The following VMA22 variants were observed in gnomAD, a reference collection of about 807,000 sequenced individuals.
VMA22 encodes the protein vacuolar ATPase assembly protein VMA22.
At chr2:130,341,037 G>C in the VMA22 span, 4 of 1,602,760 alleles carry the variant, frequency 2.5e-6, no homozygotes, top group South Asian at 3.3e-5. Flanking sequence ...CGCCTCCGCA[G>C]ACCTGAGGAA....
the VMA22 span, chr2:130,342,121 G>A: frequency 6.2e-7 from 1 of 1,613,482 alleles, no homozygotes; most frequent in Non-Finnish European, 8.5e-7. Flanking sequence ...GTCAAGCGCC[G>A]CCATGGACAC....
At chr2:130,341,839 A>G in the VMA22 span, 2 of 1,431,934 alleles carry the variant, frequency 1.4e-6, no homozygotes, top group East Asian at 2.7e-5. Flanking sequence ...AAGCTTCCTC[A>G]CCTGGCGTGG....
the VMA22 span, chr2:130,341,801 G>GGGCCCCCCCCCCCC: frequency 8.7e-6 from 12 of 1,378,088 alleles, no homozygotes; most frequent in African/African-American, 1.5e-5. Flanking sequence ...CCTAGAACGC[G>GGGCCCCCCCCCCCC]CCCGCCCGCC....
At chr2:130,341,019 G>C in the VMA22 span, 1 of 1,611,372 alleles carries the variant, frequency 6.2e-7, no homozygotes, top group Non-Finnish European at 8.5e-7. Flanking sequence ...GTCTTAGTGG[G>C]GCCCTTGCGC....
At chr2:130,339,815 C>G in the VMA22 span, 6 of 1,293,564 alleles carry the variant, frequency 4.6e-6, no homozygotes, top group Non-Finnish European at 6.1e-6. Context: ...CCCCTCTTCT[C>G]CCTCACCTCC....
chr2:130,341,121 AG>A, the VMA22 span: 1 of 1,437,654 alleles, frequency 7.0e-7, no homozygotes, highest in African/African-American at 1.4e-5. Context: ...GCTTGATCTG[AG>A]CTCATGATTC....
At chr2:130,342,490 A>G in the VMA22 span, 37 of 502,548 alleles carry the variant, frequency 7.4e-5, no homozygotes, top group Non-Finnish European at 1.1e-4. Context: ...TTGAGGGAAG[A>G]GTGGTTTTAA....
the VMA22 span, chr2:130,341,507 C>G: frequency 1.6e-6 from 1 of 614,324 alleles, no homozygotes; most frequent in Non-Finnish European, 2.9e-6. Flanking sequence ...TTCTCTACTT[C>G]CTATAAAAGT....
chr2:130,340,085 G>C, the VMA22 span: 1 of 190,254 alleles, frequency 5.3e-6, no homozygotes, highest in East Asian at 1.4e-4. Context: ...AGCAGGTGAG[G>C]GTCGCTCCAT....
the VMA22 span, chr2:130,340,701 T>A: frequency 1.6e-6 from 1 of 607,804 alleles, no homozygotes; most frequent in Non-Finnish European, 2.9e-6. Context: ...TTCCCTGCTG[T>A]ATCCCCAGCA....
At chr2:130,342,370 C>T in the VMA22 span, 10 of 677,646 alleles carry the variant, frequency 1.5e-5, no homozygotes, top group Non-Finnish European at 2.5e-5. Context: ...GCTGAACTGT[C>T]GGCTAGGGTT....
At chr2:130,339,706 C>T in the VMA22 span, 1 of 1,304,312 alleles carries the variant, frequency 7.7e-7, no homozygotes, top group Non-Finnish European at 1.0e-6. Context: ...GCAGGGCTGA[C>T]CACACATTGG....
At chr2:130,342,531 C>G in the VMA22 span, 111 of 463,722 alleles carry the variant, frequency 2.4e-4, 1 homozygote, top group African/African-American at 2.0e-3. Context: ...GGCAAGCAAC[C>G]TTCAGTCGGT....
At chr2:130,339,987 T>C in the VMA22 span, 28 of 439,854 alleles carry the variant, frequency 6.4e-5, no homozygotes, top group Admixed American at 1.5e-4. Flanking sequence ...TGTGCCCAAG[T>C]GCCCACTCAG....
At chr2:130,339,543 C>T in the VMA22 span, 1 of 1,269,994 alleles carries the variant, frequency 7.9e-7, no homozygotes, top group Non-Finnish European at 1.0e-6. Flanking sequence ...ATTATTACAG[C>T]ATCTCTCTGC....
the VMA22 span, chr2:130,339,823 T>C: frequency 7.8e-7 from 1 of 1,289,480 alleles, no homozygotes; most frequent in Non-Finnish European, 1.0e-6. Flanking sequence ...CTCCCTCACC[T>C]CCCGTCCATA....
At chr2:130,341,233 G>A in the VMA22 span, 1 of 645,874 alleles carries the variant, frequency 1.5e-6, no homozygotes, top group Admixed American at 3.1e-5. Flanking sequence ...GAGACTGTTT[G>A]TCCACTCTTT....
chr2:130,339,474 G>A, the VMA22 span: 2 of 1,383,166 alleles, frequency 1.4e-6, no homozygotes, highest in Non-Finnish European at 1.9e-6. Context: ...TCACCCACCA[G>A]GAACTAAAAA....
At chr2:130,342,019 T>A in the VMA22 span, 3 of 1,613,636 alleles carry the variant, frequency 1.9e-6, no homozygotes, top group African/African-American at 2.7e-5. Context: ...GCCTACCTCC[T>A]CCACCCGGGC....
Sources: gnomAD v4.1 joint callset for allele counts on GRCh38, gnomAD v4.1.1 for gene constraint, MANE v1.5 for transcripts, NCBI Gene and HGNC (gene_info 2026-07-23, HGNC 2026-07-21) for gene names.